The following BOK variants were observed in gnomAD, a reference collection of about 807,000 sequenced individuals.
BOK encodes the protein bcl-2-related ovarian killer protein.
In BOK, 20 loss-of-function variants were observed where a neutral mutation model predicts 18.3. The observed-to-expected ratio is 1.09, with a 90% CI of 0.77 to 1.59. BOK has a LOEUF of 1.59. Ranked by LOEUF, BOK falls within the 40% of genes most tolerant of loss-of-function variation. The pLI is 0.00. For missense variants in BOK, 348 were observed against 307.9 expected (o/e 1.13, Z -0.97); for synonymous variants, 173 against 142.4 (o/e 1.21, Z -1.53).
intron 4 of BOK, 53 bp from the exon 5 acceptor site, chr2:241,572,244 G>A: frequency 6.3e-7 from 1 of 1,593,596 alleles, no homozygotes; most frequent in Non-Finnish European, 8.5e-7. Context: ...GGCGGTGCTG[G>A]GGGCCTGGCG....
At chr2:241,567,899 T>TGA (rs2066640748) in intron 3 of BOK, among the ~76,000 whole-genome samples, 3 of 77,368 alleles carry the variant, frequency 3.9e-5, no homozygotes, top group Admixed American at 1.3e-4. Flanking sequence ...AGGAGGTCTT[T>TGA]ATCACCCCAG....
Position 241,564,137 on chromosome 2 carries a change from G to A in BOK, c.349+1661G>A, listed in dbSNP as rs369268318. On this transcript the variant is annotated intron_variant, in intron 3 of 4. Transcript: ENST00000318407. The stretch of plus-strand genomic sequence containing the variant: ...GTTACTGTGGCTGGGATGCAGCGGC[G>A]ACCTGGCAGGCTGCTGGAGCGGGAA... Among the ~76,000 whole-genome samples, 15 of 152,374 alleles carry A rather than the reference G, an allele frequency of 9.8e-5. No homozygotes were observed. The East Asian group carries it at 2.5e-3, about 25-fold the overall frequency.
chr2:241,551,851 C>G (rs886432701), intron 1 of BOK, among the ~76,000 whole-genome samples: 1 of 151,870 alleles, frequency 6.6e-6, no homozygotes, highest in Non-Finnish European at 1.5e-5. Flanking sequence ...GGTGTCTTGC[C>G]GCCCACTTCC....
intron 3 of BOK, among the ~76,000 whole-genome samples, chr2:241,565,475 G>A (rs2066596218): frequency 6.6e-6 from 1 of 151,662 alleles, no homozygotes; most frequent in African/African-American, 2.4e-5. Flanking sequence ...GGGCCCTTTT[G>A]TCTACAGGGC....
At chr2:241,564,185 C>G (rs1270203002) in intron 3 of BOK, among the ~76,000 whole-genome samples, 1 of 152,214 alleles carries the variant, frequency 6.6e-6, no homozygotes, top group African/African-American at 2.4e-5. Context: ...GGATGGGAGT[C>G]CAGGCGGGGT....
chr2:241,559,588 C>A lies in BOK; in HGVS notation c.105C>A (p.Gly35=). 1 of 1,509,886 alleles carries A rather than the reference C, an allele frequency of 6.6e-7. No individual in the cohort carries two copies. Among genetic ancestry groups the A allele is most frequent in the Non-Finnish European group, 8.8e-7 (1 of 1,137,598 alleles). 93.5% of individuals were successfully genotyped at this position (1,509,886 alleles called of 1,614,324 possible). A position where few individuals can be genotyped will look rare whatever the true frequency, so the allele number is the denominator to read the frequency against. The change falls in exon 2 of 5, where the codon GGC becomes GGA. Residue 35 remains glycine, a synonymous_variant. Transcript: ENST00000318407. The stretch of plus-strand genomic sequence containing the variant: ...TGGTGGCCCAGGCCAAGGCGCTGGG[C>A]CGGGAGTACGTGCACGCGCGGCTGC... ...KELVAQAKAL[G]REYVHARLLR...
rs1172030377 is a variant in BOK at position 241,570,285 on chromosome 2, A to G, written c.510A>G (p.Gly170=). 3.9e-6 allele frequency: 6 copies of G among 1,553,666 alleles called. No individual in the cohort carries two copies. The highest frequency in any genetic ancestry group is 5.2e-6 in the Non-Finnish European group (6 of 1,150,112). ...TLATWLRRRG[G]WTDVLKCVVS... ...CAACCTGGCTGCGGAGACGCGGCGG[A>G]TGGGTGAGCGCCTGAGTGCCCGTGT... The change falls in exon 4 of 5, where the codon GGA becomes GGG. Residue 170 remains glycine (G), a synonymous_variant. Transcript: ENST00000318407.
rs1317845815 is a variant in BOK, at chr2:241,572,292, C to G, written c.514-5C>G. On this transcript the variant is annotated splice_region_variant and splice_polypyrimidine_tract_variant and intron_variant, in intron 4 of 4. Coordinates refer to ENST00000318407, the MANE Select transcript of BOK (RefSeq NM_032515.5). ...CTTTCTAACGGTCTCCCTCTTCCCTCCCAGACTGATGTCCTCAAGTGTGTG... is the reference window on the plus strand; with the variant it reads ...CTTTCTAACGGTCTCCCTCTTCCCTGCCAGACTGATGTCCTCAAGTGTGTG... 5 of 1,610,874 alleles carry G rather than the reference C, an allele frequency of 3.1e-6. No homozygotes were observed. The African/African-American group carries it at 6.7e-5, about 22-fold the overall frequency.
At chr2:241,571,661 G>GCGA (rs1171313383) in intron 4 of BOK, among the ~76,000 whole-genome samples, 2 of 152,224 alleles carry the variant, frequency 1.3e-5, no homozygotes, top group Non-Finnish European at 1.5e-5. Flanking sequence ...TGCCCAGTGG[G>GCGA]CGACGACACT....
intron 3 of BOK, among the ~76,000 whole-genome samples, chr2:241,564,704 C>G (rs1278866281): frequency 6.6e-6 from 1 of 152,134 alleles, no homozygotes; most frequent in African/African-American, 2.4e-5. Flanking sequence ...GGTGGGGCCC[C>G]GGAAGGAAGC....
At chr2:241,559,816 A>ACGGCCAGGCGCTCGGGACAGGGC in intron 2 of BOK, 113 bp downstream of exon 2, 1 of 1,180,668 alleles carries the variant, frequency 8.5e-7, no homozygotes, top group Non-Finnish European at 1.1e-6. Flanking sequence ...CCTGCCTGGG[A>ACGGCCAGGCGCTCGGGACAGGGC]CGGCCAGGCG....
chr2:241,564,408 T>A (rs1483607003), intron 3 of BOK, among the ~76,000 whole-genome samples: 1 of 152,148 alleles, frequency 6.6e-6, no homozygotes, highest in African/African-American at 2.4e-5. Context: ...AGATCGTAAA[T>A]GAATCCTCAT....
intron 1 of BOK, among the ~76,000 whole-genome samples, 181 bp from the exon 2 acceptor site, chr2:241,559,274 T>C (rs2066485828): frequency 6.6e-6 from 1 of 151,696 alleles, no homozygotes; most frequent in African/African-American, 2.4e-5. Flanking sequence ...GGAATGTCTG[T>C]AGCTGAATTC....
rs1239491033 is a variant in BOK at position 241,562,661 on chromosome 2, T to C, written c.349+185T>C. 6.6e-6 allele frequency among the ~76,000 whole-genome samples: 1 copy of C among 152,178 alleles called. No individual in the cohort carries two copies. Among genetic ancestry groups the C allele is most frequent in the Non-Finnish European group, 1.5e-5 (1 of 68,030 alleles). On this transcript the variant is annotated intron_variant, in intron 3 of 4. Transcript: ENST00000318407. The surrounding 1 kb of genome is among the most constrained non-coding windows in gnomAD (Gnocchi z 4.5). ...ACCAGCGTGGGCTCAAACCACAGCA[T>C]TCAGGGTCTCTTGTGGTTCTGCAGG...
rs1230266400 is a variant in BOK, at chr2:241,567,842, G to T, written c.350-2283G>T. On this transcript the variant is annotated intron_variant, in intron 3 of 4. Transcript: ENST00000318407. ...CCACTTAAAAGTGTGCAATTCAGCA[G>T]CATCTGCCACATTCCCAGTGTGGAG... Among the ~76,000 whole-genome samples, 9 of 81,504 alleles carry T rather than the reference G, an allele frequency of 1.1e-4. 3 individuals carry two copies. The highest frequency in any genetic ancestry group is 1.1e-3 in the Admixed American group (9 of 8,400). 53.5% of individuals were successfully genotyped at this position (81,504 alleles called of 152,430 possible). A position where few individuals can be genotyped will look rare whatever the true frequency, so the allele number is the denominator to read the frequency against.
rs142111641 is a variant in BOK at position 241,562,420 on chromosome 2, C to G, written c.293C>G (p.Ser98Cys). ...CGTCAGCTGCACATCTCCCTGCAGT[C>G]TGAGCCTGTGGTGACCGATGCGTTC... ...VARQLHISLQ[S>C]EPVVTDAFLA... The change falls in exon 3 of 5, where the codon TCT (serine) becomes TGT (cysteine). Residue 98 changes from serine to cysteine, a missense_variant. Ser to Cys is a moderately radical substitution (Grantham distance 112, BLOSUM62 -1). Transcript: ENST00000318407. The surrounding 1 kb of genome is among the most constrained non-coding windows in gnomAD (Gnocchi z 4.5). 1.9e-6 allele frequency: 3 copies of G among 1,612,436 alleles called. No individual in the cohort carries two copies. Among genetic ancestry groups the G allele is most frequent in the Admixed American group, 3.3e-5 (2 of 59,990 alleles).
upstream of BOK, among the ~76,000 whole-genome samples, chr2:241,556,909 G>T (rs1209436263): frequency 6.6e-6 from 1 of 152,114 alleles, no homozygotes; most frequent in Non-Finnish European, 1.5e-5. Context: ...CAGATTCAAT[G>T]CATTTAATTG....
chr2:241,559,600 G>A lies in BOK; in HGVS notation c.117G>A (p.Val39=). 3.4e-6 allele frequency: 5 copies of A among 1,490,836 alleles called. No individual in the cohort carries two copies. Among genetic ancestry groups the A allele is most frequent in the Non-Finnish European group, 3.5e-6 (4 of 1,128,130 alleles). The allele number at this position is 1,490,836 out of a possible 1,614,324, so 92.4% of individuals were successfully genotyped here. ...AQAKALGREY[V]HARLLRAGLS... ...CCAAGGCGCTGGGCCGGGAGTACGT[G>A]CACGCGCGGCTGCTGCGCGCCGGCC... Residue 39 remains valine (V), a synonymous_variant, in exon 2 of 5, where the codon GTG becomes GTA. Transcript: ENST00000318407.
chr2:241,556,540 G>A (rs541676116), upstream of BOK, among the ~76,000 whole-genome samples: 6 of 124,810 alleles, frequency 4.8e-5, no homozygotes, highest in East Asian at 2.5e-4. Context: ...CCGAGTTTAC[G>A]CCATTGCACT....
Sources: gnomAD v4.1 joint callset for allele counts (sites outside exome capture counted in the v4.1 genomes callset) on GRCh38, gnomAD v4.1.1 for gene constraint, Gnocchi (gnomAD v3.1) non-coding constraint, MANE v1.5 for transcripts, NCBI Gene and HGNC (gene_info 2026-07-23, HGNC 2026-07-21) for gene names.